The following CNTNAP2 variants were observed in gnomAD, a reference collection of about 807,000 sequenced individuals.
CNTNAP2 encodes the protein contactin associated protein 2.
Under a neutral mutation model 155.2 loss-of-function variants are expected in CNTNAP2, and 98 were observed. The observed-to-expected ratio is 0.63, with a 90% CI of 0.54 to 0.75. CNTNAP2 has a LOEUF of 0.75. Among genes scored for constraint, CNTNAP2 ranks in the 30% least tolerant of loss-of-function variants. CNTNAP2 has a pLI of 0.00. For missense variants in CNTNAP2, 1,727 were observed against 1,688.1 expected, an observed-to-expected ratio of 1.02 and a Z score of -0.40; for synonymous variants, 651 against 631.2, an observed-to-expected ratio of 1.03 and a Z score of -0.47.
At chr7:147,280,408 A>AG (rs1185452272) in intron 8 of CNTNAP2, among the ~76,000 whole-genome samples, 1 of 151,978 alleles carries the variant, frequency 6.6e-6, no homozygotes, top group Non-Finnish European at 1.5e-5. Context: ...CTCTCGTAGA[A>AG]GTCATGCTCA....
In CNTNAP2 at chr7:148,048,759, G is replaced by A. The variant is rs554834019; in HGVS notation, c.2384-69359G>A. Among the ~76,000 whole-genome samples, 421 of 152,266 alleles carry A rather than the reference G, an allele frequency of 2.8e-3. 3 individuals carry two copies. Among genetic ancestry groups the A allele is most frequent in the Admixed American group, 3.9e-3 (60 of 15,298 alleles). The stretch of plus-strand genomic sequence containing the variant: ...AACCAGAAGCAAACCTTGGCCAATG[G>A]CTGGAGCTGGTGTTTTTGCTCAAGC... On this transcript the variant is annotated intron_variant, in intron 15 of 23. Transcript: ENST00000361727.
At chr7:146,871,534 A>T (rs139154155) in intron 3 of CNTNAP2, among the ~76,000 whole-genome samples, 2,758 of 152,060 alleles carry the variant, frequency 0.018, 169 homozygotes, top group Admixed American at 0.12. Context: ...CGTCTAAAAA[A>T]AAATAAATAA....
At chr7:147,522,321 A>T (rs896881810) in intron 11 of CNTNAP2, among the ~76,000 whole-genome samples, 1 of 152,236 alleles carries the variant, frequency 6.6e-6, no homozygotes, top group Non-Finnish European at 1.5e-5. Context: ...TGGTGCTTAA[A>T]GGAATATCTA....
chr7:147,604,977 C>G (rs548655119), intron 12 of CNTNAP2, among the ~76,000 whole-genome samples: 83 of 152,212 alleles, frequency 5.5e-4, no homozygotes, highest in African/African-American at 1.6e-3. Context: ...ACATTTTCAG[C>G]TTTTAGAGAT....
intron 14 of CNTNAP2, among the ~76,000 whole-genome samples, chr7:147,921,118 T>G (rs7805990): frequency 0.73 from 110,469 of 151,954 alleles, 40,450 homozygotes; most frequent in East Asian, 0.81. Context: ...CTCCTTTTTT[T>G]TTTTTGTTTA....
intron 17 of CNTNAP2, among the ~76,000 whole-genome samples, chr7:148,154,779 A>T (rs1585155791): frequency 6.6e-6 from 1 of 152,112 alleles, no homozygotes; most frequent in African/African-American, 2.4e-5. Flanking sequence ...TTTACTAAAG[A>T]TACAAAAATT....
At chr7:146,658,000 T>C (rs1800023629) in intron 1 of CNTNAP2, among the ~76,000 whole-genome samples, 1 of 152,084 alleles carries the variant, frequency 6.6e-6, no homozygotes, top group Non-Finnish European at 1.5e-5. Flanking sequence ...AATATATGCA[T>C]GTACAATAAA....
chr7:147,661,734 G>A (rs1266721156), intron 13 of CNTNAP2, among the ~76,000 whole-genome samples: 5 of 151,932 alleles, frequency 3.3e-5, no homozygotes, highest in Non-Finnish European at 7.4e-5. Flanking sequence ...TGTATTTTTA[G>A]TAGAGACGGG....
chr7:146,252,591 A>G (rs1473370750), intron 1 of CNTNAP2, among the ~76,000 whole-genome samples: 2 of 152,212 alleles, frequency 1.3e-5, no homozygotes, highest in Non-Finnish European at 2.9e-5. Flanking sequence ...TCAGGGCAGG[A>G]AAAAAGGAAG....
At chr7:147,732,181 T>TCCCCCCCCC (rs199519152) in intron 13 of CNTNAP2, among the ~76,000 whole-genome samples, 34 of 108,558 alleles carry the variant, frequency 3.1e-4, no homozygotes, top group Non-Finnish European at 3.7e-4. Context: ...ATGCTATCCC[T>TCCCCCCCCC]CCCCCCCCCA....
At chr7:146,507,231 T>A (rs1797397579) in intron 1 of CNTNAP2, among the ~76,000 whole-genome samples, 1 of 152,176 alleles carries the variant, frequency 6.6e-6, no homozygotes, top group Non-Finnish European at 1.5e-5. Context: ...TAATTCCTTC[T>A]CTATCCATGA....
At position 147,153,853 on chromosome 7, in the gene CNTNAP2, CAG is replaced by C. The variant is rs142908079; in HGVS notation, c.1348+21349_1348+21350del. Among the ~76,000 whole-genome samples, 478 of 152,172 alleles carry C rather than the reference CAG, an allele frequency of 3.1e-3. 4 individuals are homozygous for C. Among genetic ancestry groups the C allele is most frequent in the African/African-American group, 0.01 (428 of 41,532 alleles). On this transcript the variant is annotated intron_variant, in intron 8 of 23. Transcript: ENST00000361727. ...AGATTTTCAAATCCAGTAATAGAAA[CAG>C]AGAGTTGCTAAATCCATTTGAGAGC...
intron 1 of CNTNAP2, among the ~76,000 whole-genome samples, chr7:146,275,080 C>T (rs1584841878): frequency 6.6e-6 from 1 of 152,096 alleles, no homozygotes; most frequent in East Asian, 1.9e-4. Flanking sequence ...TTTTTAGATC[C>T]TGAATATGAA....
At chr7:146,886,284 AAAAG>A (rs1386506845) in intron 3 of CNTNAP2, among the ~76,000 whole-genome samples, 4 of 151,412 alleles carry the variant, frequency 2.6e-5, no homozygotes, top group Non-Finnish European at 4.4e-5. Context: ...TTAAAAAAAA[AAAAG>A]AAAGAAATAT....
intron 1 of CNTNAP2, among the ~76,000 whole-genome samples, chr7:146,210,947 C>T (rs1304398039): frequency 1.3e-5 from 2 of 151,812 alleles, no homozygotes; most frequent in Non-Finnish European, 2.9e-5. Flanking sequence ...AATCAACTAC[C>T]CTGAGATAAG....
intron 8 of CNTNAP2, among the ~76,000 whole-genome samples, chr7:147,287,039 T>TA (rs1187428706): frequency 6.6e-6 from 1 of 152,074 alleles, no homozygotes; most frequent in Non-Finnish European, 1.5e-5. Flanking sequence ...TGGTGAGAAA[T>TA]ATTTTATTCA....
At chr7:147,278,713 C>T (rs776943035) in intron 8 of CNTNAP2, among the ~76,000 whole-genome samples, 4 of 151,242 alleles carry the variant, frequency 2.6e-5, no homozygotes, top group Non-Finnish European at 1.5e-5. Context: ...TAAATAAAAG[C>T]GTGATAATTG....
At chr7:146,965,919 G>C (rs952235780) in intron 3 of CNTNAP2, among the ~76,000 whole-genome samples, 4 of 152,106 alleles carry the variant, frequency 2.6e-5, no homozygotes, top group Non-Finnish European at 4.4e-5. Flanking sequence ...AATCTTCCAG[G>C]TATCTCCTCT....
chr7:147,322,558 C>T (rs545851408), intron 9 of CNTNAP2, among the ~76,000 whole-genome samples: 19 of 150,910 alleles, frequency 1.3e-4, no homozygotes, highest in Admixed American at 5.3e-4. Flanking sequence ...TGTCTCTGCC[C>T]GGCTTTGGTA....
Sources: allele counts gnomAD v4.1 joint callset (sites outside exome capture counted in the v4.1 genomes callset), GRCh38; gene constraint gnomAD v4.1.1; transcripts MANE v1.5; gene names NCBI Gene and HGNC (gene_info 2026-07-23, HGNC 2026-07-21).